Variants in GMDS observed in about 807,000 individuals in gnomAD.
GMDS encodes GDP-mannose 4,6-dehydratase.
A neutral mutation model predicts 49.9 loss-of-function variants in GMDS; 20 were observed. The ratio of observed to expected loss-of-function variants is 0.40; its 90% CI spans 0.28 to 0.58. The LOEUF (loss-of-function observed/expected upper bound fraction) is 0.58, where lower values mean the gene tolerates loss of function less well. GMDS is among the 20% of genes least tolerant of loss of function. The pLI, the probability that GMDS is intolerant of heterozygous loss-of-function variation, is 0.42. For synonymous variants in GMDS, 177 were observed against 178.6 expected (o/e 0.99, Z 0.07); for missense variants, 362 against 481.4 (o/e 0.75, Z 2.32).
intron 4 of GMDS, among the ~76,000 whole-genome samples, chr6:2,026,366 C>G (rs1561986135): frequency 1.3e-5 from 2 of 152,184 alleles, no homozygotes; most frequent in Non-Finnish European, 2.9e-5. Flanking sequence ...ACACAAGTAT[C>G]TTCAGAATGT....
chr6:2,031,118 G>A (rs367550324), intron 4 of GMDS, among the ~76,000 whole-genome samples: 3 of 152,264 alleles, frequency 2.0e-5, no homozygotes, highest in East Asian at 3.9e-4. Flanking sequence ...TACAGAAATC[G>A]CCCTGTTAAC....
At chr6:2,076,414 A>G (rs1772342585) in intron 4 of GMDS, among the ~76,000 whole-genome samples, 1 of 152,182 alleles carries the variant, frequency 6.6e-6, no homozygotes, top group African/African-American at 2.4e-5. Context: ...AAACTACTTT[A>G]AAGTTCATAT....
chr6:2,167,853 A>G (rs1777745758), intron 1 of GMDS, among the ~76,000 whole-genome samples: 1 of 152,228 alleles, frequency 6.6e-6, no homozygotes. Context: ...TATTAATTCC[A>G]TGGGAACAAC....
intron 4 of GMDS, among the ~76,000 whole-genome samples, chr6:1,965,857 A>AAG (rs200655068): frequency 1.7e-4 from 26 of 151,926 alleles, no homozygotes; most frequent in African/African-American, 1.9e-4. Context: ...TAAAAAAAGA[A>AAG]AGAGAGAGAG....
chr6:2,196,534 C>T (rs1283744753), intron 1 of GMDS, among the ~76,000 whole-genome samples: 2 of 152,158 alleles, frequency 1.3e-5, no homozygotes, highest in Admixed American at 1.3e-4. Context: ...TTGATGCCTA[C>T]AGTAAACATA....
At chr6:2,212,188 C>A (rs1780091541) in intron 1 of GMDS, among the ~76,000 whole-genome samples, 1 of 152,186 alleles carries the variant, frequency 6.6e-6, no homozygotes, top group Non-Finnish European at 1.5e-5. Context: ...AAACCTGGAG[C>A]TTTTAACATA....
intron 7 of GMDS, among the ~76,000 whole-genome samples, chr6:1,895,169 G>C (rs1760089954): frequency 6.6e-6 from 1 of 152,102 alleles, no homozygotes; most frequent in African/African-American, 2.4e-5. Context: ...AGTGCCTGAG[G>C]GTGTGGTACC....
chr6:1,903,154 G>A (rs1387427363), intron 7 of GMDS, among the ~76,000 whole-genome samples: 39 of 152,164 alleles, frequency 2.6e-4, no homozygotes, highest in Non-Finnish European at 2.9e-5. Flanking sequence ...CACAAAAAAA[G>A]ATTGTGGATT....
intron 7 of GMDS, among the ~76,000 whole-genome samples, chr6:1,883,000 C>T (rs1561863753): frequency 6.6e-6 from 1 of 152,154 alleles, no homozygotes. Flanking sequence ...GGTATGCTGG[C>T]AGTACTAGCA....
chr6:1,714,099 G>A (rs1284146803), intron 9 of GMDS, among the ~76,000 whole-genome samples: 1 of 152,152 alleles, frequency 6.6e-6, no homozygotes, highest in African/African-American at 2.4e-5. Context: ...CTCACTGCAA[G>A]CTCCGCCTCC....
chr6:1,887,222 A>G (rs1434089726), intron 7 of GMDS, among the ~76,000 whole-genome samples: 1 of 152,200 alleles, frequency 6.6e-6, no homozygotes, highest in Non-Finnish European at 1.5e-5. Context: ...TTACCACTTT[A>G]GAGATGACAA....
At chr6:1,763,157 C>G (rs1293242806) in intron 7 of GMDS, among the ~76,000 whole-genome samples, 1 of 152,198 alleles carries the variant, frequency 6.6e-6, no homozygotes, top group Non-Finnish European at 1.5e-5. Flanking sequence ...GTGCTGTGGA[C>G]ACGTGCGAAG....
chr6:2,168,058 T>TA (rs1777756126), intron 1 of GMDS, among the ~76,000 whole-genome samples: 1 of 152,148 alleles, frequency 6.6e-6, no homozygotes, highest in Non-Finnish European at 1.5e-5. Flanking sequence ...AGCAAGACAA[T>TA]ACCATGGCTC....
chr6:1,920,524 A>C (rs1761663092), intron 7 of GMDS, among the ~76,000 whole-genome samples: 1 of 152,236 alleles, frequency 6.6e-6, no homozygotes, highest in South Asian at 2.1e-4. Flanking sequence ...GATTGCAAAT[A>C]CGTTTTGCCC....
chr6:1,757,641 T>C (rs1298167925), intron 7 of GMDS, among the ~76,000 whole-genome samples: 1 of 152,222 alleles, frequency 6.6e-6, no homozygotes, highest in Admixed American at 6.5e-5. Flanking sequence ...CTTGGGAATT[T>C]AACCTCTGAA....
chr6:2,063,998 G>A (rs1281974519), intron 4 of GMDS, among the ~76,000 whole-genome samples: 1 of 152,082 alleles, frequency 6.6e-6, no homozygotes, highest in African/African-American at 2.4e-5. Context: ...CCAAGTGTCG[G>A]GCAAATTGAG....
At chr6:1,677,599 T>C (rs972093176) in intron 9 of GMDS, among the ~76,000 whole-genome samples, 5 of 152,098 alleles carry the variant, frequency 3.3e-5, no homozygotes, top group African/African-American at 4.8e-5. Flanking sequence ...ATATACATCA[T>C]GGAATACTTT....
chr6:2,046,346 A>T (rs1329726893), intron 4 of GMDS, among the ~76,000 whole-genome samples: 2 of 152,258 alleles, frequency 1.3e-5, no homozygotes, highest in Non-Finnish European at 2.9e-5. Flanking sequence ...TGGTCCTCAT[A>T]TGAAATAACT....
intron 7 of GMDS, among the ~76,000 whole-genome samples, chr6:1,928,251 G>A (rs948632600): frequency 6.6e-6 from 1 of 152,012 alleles, no homozygotes; most frequent in East Asian, 1.9e-4. Flanking sequence ...TGTAGTCCCA[G>A]CTACTCATGA....
Sources: gnomAD v4.1 joint callset for allele counts (sites outside exome capture counted in the v4.1 genomes callset) on GRCh38, gnomAD v4.1.1 for gene constraint, MANE v1.5 for transcripts, NCBI Gene and HGNC (gene_info 2026-07-23, HGNC 2026-07-21) for gene names.